Variants in PRMT3 observed in about 807,000 individuals in gnomAD.
PRMT3 encodes the protein protein arginine N-methyltransferase 3.
Under a neutral mutation model 71.9 loss-of-function variants are expected in PRMT3, and 62 were observed. The observed-to-expected ratio is 0.86, with a 90% CI of 0.70 to 1.07. PRMT3 has a LOEUF of 1.07. PRMT3 is among the 50% of genes least tolerant of loss of function. PRMT3 has a pLI of 0.00. For missense variants in PRMT3, 663 were observed against 643.0 expected (o/e 1.03, Z -0.34); for synonymous variants, 213 against 220.4 (o/e 0.97, Z 0.30).
intron 10 of PRMT3, among the ~76,000 whole-genome samples, chr11:20,441,731 C>T (rs1429944775): frequency 4.6e-5 from 7 of 151,078 alleles, no homozygotes. Flanking sequence ...GTGCAGAAAA[C>T]CTTGGTTCCT....
At chr11:20,504,683 A>AT (rs1468543974) in intron 15 of PRMT3, among the ~76,000 whole-genome samples, 3 of 130,914 alleles carry the variant, frequency 2.3e-5, no homozygotes, top group Non-Finnish European at 3.1e-5. Flanking sequence ...TATCTCAAGT[A>AT]TTGTATGTGT....
At position 20,442,941 on chromosome 11, in the gene PRMT3, A is replaced by G. The variant is rs548165557; in HGVS notation, c.994-9189A>G. Among the ~76,000 whole-genome samples, 12 of 152,320 alleles carry G rather than the reference A, an allele frequency of 7.9e-5. 3 individuals are homozygous for G. Among genetic ancestry groups the G allele is most frequent in the African/African-American group, 2.9e-4 (12 of 41,582 alleles). ...GCTGGGCATGATGGCTTATACCTGT[A>G]ATCCCAGCACTTTGGGAGGCCAAGG... On this transcript the variant is annotated intron_variant, in intron 10 of 15. Transcript: ENST00000331079.
chr11:20,398,879 A>G (rs1848890022), intron 7 of PRMT3, among the ~76,000 whole-genome samples: 1 of 152,196 alleles, frequency 6.6e-6, no homozygotes, highest in Non-Finnish European at 1.5e-5. Context: ...CACATTTCTC[A>G]GAAGTATCCC....
intron 10 of PRMT3, among the ~76,000 whole-genome samples, chr11:20,436,777 A>T (rs1849770196): frequency 6.6e-6 from 1 of 151,454 alleles, no homozygotes; most frequent in African/African-American, 2.4e-5. Context: ...TGATTTTGTT[A>T]TCTATATAAT....
At chr11:20,412,918 AC>A in intron 9 of PRMT3, among the ~76,000 whole-genome samples, 1 of 152,240 alleles carries the variant, frequency 6.6e-6, no homozygotes, top group East Asian at 1.9e-4. Context: ...AGCCTGGGCA[AC>A]ATAGTGAGAC....
rs1367901160 is a variant in PRMT3, at chr11:20,494,202, A to G, written c.1434A>G (p.Thr478=). 6.2e-7 allele frequency: 1 copy of G among 1,611,692 alleles called. No homozygotes were observed. Among genetic ancestry groups the G allele is most frequent in the Non-Finnish European group, 8.5e-7 (1 of 1,177,934 alleles). Residue 478 remains threonine, a synonymous_variant, in exon 15 of 16, where the codon ACA becomes ACG. Coordinates refer to ENST00000331079, the MANE Select transcript of PRMT3 (RefSeq NM_005788.4). ...VFSTGPQSTK[T]HWKQTVFLLE... ...CTACGGGCCCTCAGAGCACCAAAAC[A>G]CACTGGAAACAAACAGTATTTCTAC...
chr11:20,390,861 T>C (rs933705417), intron 3 of PRMT3, among the ~76,000 whole-genome samples: 1 of 152,112 alleles, frequency 6.6e-6, no homozygotes. Flanking sequence ...CCATCCTGGC[T>C]AACCCAGTGA....
intron 13 of PRMT3, among the ~76,000 whole-genome samples, chr11:20,474,350 AG>A (rs545163491): frequency 9.5e-4 from 145 of 152,248 alleles, no homozygotes; most frequent in Non-Finnish European, 1.7e-3. Context: ...GGTGCTTCTC[AG>A]GCAAACCTCT....
At chr11:20,394,457 A>G (rs1376310328) in intron 5 of PRMT3, among the ~76,000 whole-genome samples, 1 of 151,756 alleles carries the variant, frequency 6.6e-6, no homozygotes, top group African/African-American at 2.4e-5. Context: ...TTTTTCCTCC[A>G]GTTTTATTCA....
chr11:20,459,549 A>G (rs944299636), intron 11 of PRMT3, among the ~76,000 whole-genome samples: 1 of 152,188 alleles, frequency 6.6e-6, no homozygotes, highest in African/African-American at 2.4e-5. Context: ...AGTAGTTTCA[A>G]CAAAAGTCAG....
intron 9 of PRMT3, among the ~76,000 whole-genome samples, chr11:20,424,696 C>CT (rs1849503306): frequency 6.6e-6 from 1 of 152,140 alleles, no homozygotes; most frequent in Admixed American, 6.5e-5. Flanking sequence ...AAGTTAAAAA[C>CT]TTTAGCTATT....
intron 9 of PRMT3, among the ~76,000 whole-genome samples, chr11:20,413,800 C>G: frequency 6.6e-6 from 1 of 152,140 alleles, no homozygotes; most frequent in East Asian, 1.9e-4. Context: ...TTCTTAACTT[C>G]TCTGATACTT....
chr11:20,459,181 G>A (rs550986171), intron 11 of PRMT3, among the ~76,000 whole-genome samples: 9 of 152,106 alleles, frequency 5.9e-5, no homozygotes, highest in Admixed American at 2.6e-4. Context: ...TTGACTATGG[G>A]CCATAGTCTG....
chr11:20,393,968 C>T (rs1565191905), intron 5 of PRMT3: 1 of 152,108 alleles, frequency 6.6e-6, no homozygotes, highest in Non-Finnish European at 1.5e-5. Flanking sequence ...GTTTTTAAAC[C>T]TCAGTGACTC....
intron 13 of PRMT3, among the ~76,000 whole-genome samples, chr11:20,481,382 T>G (rs1850928403): frequency 6.6e-6 from 1 of 152,182 alleles, no homozygotes; most frequent in African/African-American, 2.4e-5. Flanking sequence ...ATCTGCTGTT[T>G]CTTTAGTAGA....
intron 10 of PRMT3, among the ~76,000 whole-genome samples, chr11:20,430,734 A>C (rs1385121737): frequency 6.6e-6 from 1 of 152,148 alleles, no homozygotes; most frequent in Non-Finnish European, 1.5e-5. Flanking sequence ...AGAGCACCTA[A>C]AATCTATTCT....
At chr11:20,422,646 C>T (rs1021138232) in intron 9 of PRMT3, among the ~76,000 whole-genome samples, 1 of 152,178 alleles carries the variant, frequency 6.6e-6, no homozygotes, top group African/African-American at 2.4e-5. Context: ...ATTCAATCCT[C>T]TGCCAGTTTT....
At chr11:20,388,255 C>CAGG in intron 2 of PRMT3, 101 bp downstream of exon 2, 1 of 1,530,330 alleles carries the variant, frequency 6.5e-7, no homozygotes, top group Non-Finnish European at 8.9e-7. Flanking sequence ...CCAGAGTGGC[C>CAGG]TGTCTTTGAA....
intron 13 of PRMT3, among the ~76,000 whole-genome samples, chr11:20,480,876 G>C (rs1000378301): frequency 6.6e-6 from 1 of 152,094 alleles, no homozygotes; most frequent in Non-Finnish European, 1.5e-5. Flanking sequence ...CAAATTTAGA[G>C]GTGAGGATCA....
Sources: allele counts gnomAD v4.1 joint callset (sites outside exome capture counted in the v4.1 genomes callset), GRCh38; gene constraint gnomAD v4.1.1; transcripts MANE v1.5; gene names NCBI Gene and HGNC (gene_info 2026-07-23, HGNC 2026-07-21).